The following TARBP1 variants were observed in gnomAD, a reference collection of about 807,000 sequenced individuals.
The protein encoded by TARBP1 is tRNA (guanosine(18)-2'-O)-methyltransferase TARBP1.
A neutral mutation model predicts 178.6 loss-of-function variants in TARBP1; 144 were observed. The observed-to-expected ratio is 0.81, with a 90% CI of 0.70 to 0.93. TARBP1 has a LOEUF of 0.93. TARBP1 is among the 40% of genes least tolerant of loss of function. The probability of loss-of-function intolerance (pLI) is 0.00; values close to 1 mark genes in which losing one functional copy is unlikely to be tolerated. For missense variants in TARBP1, 2,067 were observed against 2,011.7 expected, an observed-to-expected ratio of 1.03 and a Z score of -0.53; for synonymous variants, 787 against 781.0, an observed-to-expected ratio of 1.01 and a Z score of -0.13.
At chr1:234,448,215 A>C (rs1481814803) in intron 11 of TARBP1, among the ~76,000 whole-genome samples, 1 of 152,260 alleles carries the variant, frequency 6.6e-6, no homozygotes, top group East Asian at 1.9e-4. Context: ...CTGGGATTAC[A>C]GGCATGAGCT....
intron 12 of TARBP1, among the ~76,000 whole-genome samples, chr1:234,438,654 C>T (rs908286775): frequency 3.9e-5 from 6 of 152,094 alleles, no homozygotes; most frequent in African/African-American, 1.4e-4. Flanking sequence ...ATAATAACAA[C>T]GATCTTATTT....
At position 234,478,635 on chromosome 1, in the gene TARBP1, C is replaced by A. The variant is rs1360993326; in HGVS notation, c.469G>T (p.Gly157Trp). ...VGPCLRPRED[G>W]PLLERVAGTA... Reference sequence around the variant, plus strand: ...CCCGCCACGCGCTCCAGTAGCGGCCCGTCCTCGCGGGGCCGCAAACATGGC... The same window carrying A: ...CCCGCCACGCGCTCCAGTAGCGGCCAGTCCTCGCGGGGCCGCAAACATGGC... The change falls in exon 1 of 30, where the codon GGG becomes TGG. Residue 157 changes from glycine to tryptophan, a missense_variant. Coordinates refer to ENST00000040877, the MANE Select transcript of TARBP1 (RefSeq NM_005646.4). 3 of 1,292,024 alleles carry A rather than the reference C, an allele frequency of 2.3e-6. No homozygotes were observed. The highest frequency in any genetic ancestry group is 7.7e-5 in the Admixed American group (2 of 26,108). 80.0% of individuals were successfully genotyped at this position (1,292,024 alleles called of 1,614,324 possible).
intron 28 of TARBP1, among the ~76,000 whole-genome samples, chr1:234,392,998 C>T (rs79427910): frequency 5.3e-5 from 8 of 152,248 alleles, no homozygotes; most frequent in South Asian, 2.1e-4. Flanking sequence ...GGATTACAGG[C>T]GTGAGCCACC....
At chr1:234,401,310 T>G in intron 24 of TARBP1, 48 bp from the exon 25 acceptor site, 2 of 1,411,674 alleles carry the variant, frequency 1.4e-6, no homozygotes, top group Non-Finnish European at 2.0e-6. Context: ...GAAACAACTC[T>G]GGTGAGGGGA....
chr1:234,431,948 C>T (rs1664471016), intron 14 of TARBP1, among the ~76,000 whole-genome samples: 1 of 151,774 alleles, frequency 6.6e-6, no homozygotes, highest in Admixed American at 6.6e-5. Context: ...ACCAGCCTGG[C>T]CAACATGGTG....
chr1:234,414,233 T>C (rs894150462), intron 22 of TARBP1, among the ~76,000 whole-genome samples: 1 of 152,136 alleles, frequency 6.6e-6, no homozygotes, highest in African/African-American at 2.4e-5. Flanking sequence ...CATGGCTGTG[T>C]TCCAATATAA....
At chr1:234,401,285 G>T (rs368687639) in intron 24 of TARBP1, 23 bp from the exon 25 acceptor site, 208 of 1,579,690 alleles carry the variant, frequency 1.3e-4, no homozygotes, top group Non-Finnish European at 1.8e-4. Flanking sequence ...AATATGGTAT[G>T]AGCCACAGAC....
intron 9 of TARBP1, among the ~76,000 whole-genome samples, chr1:234,454,097 G>C (rs955214715): frequency 5.3e-5 from 8 of 152,190 alleles, no homozygotes; most frequent in African/African-American, 1.4e-4. Context: ...AAAGACATTA[G>C]TAATATTAGA....
At chr1:234,397,220 G>A in intron 26 of TARBP1, among the ~76,000 whole-genome samples, 1 of 17,874 alleles carries the variant, frequency 5.6e-5, no homozygotes, top group Non-Finnish European at 1.2e-4. Context: ...AGGAGGAGGA[G>A]GGGGAGGAGG....
chr1:234,426,585 T>G (rs1472656215), intron 19 of TARBP1, among the ~76,000 whole-genome samples: 1 of 152,190 alleles, frequency 6.6e-6, no homozygotes, highest in Non-Finnish European at 1.5e-5. Flanking sequence ...TAACTAAATA[T>G]TATAATCATT....
chr1:234,463,960 A>G (rs200252040), intron 5 of TARBP1, 26 bp from the exon 6 acceptor site: 209 of 1,452,556 alleles, frequency 1.4e-4, no homozygotes, highest in Middle Eastern at 3.5e-4. Flanking sequence ...GGGGAAAACA[A>G]ATATTTAACA....
chr1:234,426,810 T>A (rs2103116995), intron 19 of TARBP1, among the ~76,000 whole-genome samples: 1 of 152,346 alleles, frequency 6.6e-6, no homozygotes, highest in South Asian at 2.1e-4. Context: ...CATCAAGTTG[T>A]ACACATTAAC....
Position 234,418,134 on chromosome 1 carries a change from G to T in TARBP1, c.3655C>A (p.Leu1219Ile). ...YFIEWIIILI[L>I]HKFPQFLPKF... ...GGAAGAAATTGAGGGAATTTATGAA[G>T]AATCAATATAATAATCCATTCTATA... The change falls in exon 22 of 30, where the codon CTT becomes ATT. Residue 1219 changes from leucine to isoleucine, a missense_variant. Physicochemically the swap from Leu to Ile is conservative, Grantham distance 5. Coordinates refer to ENST00000040877, the MANE Select transcript of TARBP1 (RefSeq NM_005646.4). 1 of 1,491,586 alleles carries T rather than the reference G, an allele frequency of 6.7e-7. No homozygotes were observed. The highest frequency in any genetic ancestry group is 8.9e-7 in the Non-Finnish European group (1 of 1,118,114). The allele number at this position is 1,491,586 out of a possible 1,614,324, so 92.4% of individuals were successfully genotyped here.
rs189507698 is a variant in TARBP1 at position 234,426,920 on chromosome 1, G to A, written c.3323+397C>T. Among the ~76,000 whole-genome samples, 28 of 152,234 alleles carry A rather than the reference G, an allele frequency of 1.8e-4. No individual in the cohort carries two copies. The East Asian group carries it at 3.1e-3, about 17-fold the overall frequency. Reference sequence around the variant, plus strand: ...TCCAAGAGTAATTCTATTTTTGTGTGTAACATACCAACTTGTTAAATGGTG... The same window carrying A: ...TCCAAGAGTAATTCTATTTTTGTGTATAACATACCAACTTGTTAAATGGTG... On this transcript the variant is annotated intron_variant, in intron 19 of 29. Coordinates refer to ENST00000040877, the MANE Select transcript of TARBP1 (RefSeq NM_005646.4).
In TARBP1 at chr1:234,429,278, G is replaced by A. The variant is rs756164508; in HGVS notation, c.2918C>T (p.Ala973Val). The A allele has an allele frequency of 5.0e-6, 8 of 1,600,170 alleles. No individual in the cohort carries two copies. The highest frequency in any genetic ancestry group is 4.5e-5 in the East Asian group (2 of 44,834). Reference sequence around the variant, plus strand: ...GCTTAAAGAAGATATAATTTTCCACGCCATGTCAAAAGACTCTATGCAGAG... The same window carrying A: ...GCTTAAAGAAGATATAATTTTCCACACCATGTCAAAAGACTCTATGCAGAG... ...ESLCIESFDM[A>V]WKIISSLSNT... is the part of the protein sequence containing the mutation. Residue 973 changes from alanine (A) to valine (V), a missense_variant, in exon 17 of 30, where the codon GCG (alanine) becomes GTG (valine). Ala to Val is a moderately conservative substitution (Grantham distance 64). Transcript: ENST00000040877.
chr1:234,458,889 G>A (rs1198667202), intron 8 of TARBP1, among the ~76,000 whole-genome samples: 1 of 152,164 alleles, frequency 6.6e-6, no homozygotes, highest in Non-Finnish European at 1.5e-5. Flanking sequence ...TTCCTGGGAC[G>A]TGGTCATGCA....
chr1:234,427,489 T>A (rs1663909029), intron 18 of TARBP1, 87 bp downstream of exon 18: 2 of 1,450,690 alleles, frequency 1.4e-6, no homozygotes, highest in Admixed American at 4.9e-5. Flanking sequence ...TTCTTTTAAT[T>A]GAAAGCCTCA....
intron 6 of TARBP1, 96 bp from the exon 7 acceptor site, chr1:234,460,492 T>C (rs1304340222): frequency 2.3e-6 from 3 of 1,296,846 alleles, no homozygotes; most frequent in East Asian, 2.5e-5. Context: ...GTCAAAACCA[T>C]AGTAAGGCTC....
intron 3 of TARBP1, 145 bp downstream of exon 3, chr1:234,471,043 T>C (rs1571879947): frequency 1.6e-6 from 1 of 637,212 alleles, no homozygotes; most frequent in East Asian, 2.9e-5. Flanking sequence ...CTGTTATCTC[T>C]TGGTGGCAGC....
Sources: allele counts gnomAD v4.1 joint callset (sites outside exome capture counted in the v4.1 genomes callset), GRCh38; gene constraint gnomAD v4.1.1; transcripts MANE v1.5; gene names NCBI Gene and HGNC (gene_info 2026-07-23, HGNC 2026-07-21).